Variants in TSNARE1 observed in about 807,000 individuals in gnomAD.
TSNARE1 encodes t-SNARE domain containing 1, also known as t-SNARE domain-containing protein 1.
In TSNARE1, 49 loss-of-function variants were observed where a neutral mutation model predicts 62.0. The ratio of observed to expected loss-of-function variants is 0.79; its 90% CI spans 0.63 to 1.00. The LOEUF is 1.00. Among genes scored for constraint, TSNARE1 ranks in the 50% least tolerant of loss-of-function variants. The pLI, the probability that TSNARE1 is intolerant of heterozygous loss-of-function variation, is 0.00. For missense variants in TSNARE1, 755 were observed against 700.1 expected (o/e 1.08, Z -0.88); for synonymous variants, 328 against 294.4 (o/e 1.11, Z -1.17).
At chr8:142,233,931 G>T (rs1817256185) in intron 12 of TSNARE1, among the ~76,000 whole-genome samples, 1 of 152,182 alleles carries the variant, frequency 6.6e-6, no homozygotes, top group African/African-American at 2.4e-5. Flanking sequence ...ATCGACCACT[G>T]CACCCTCCCA....
intron 13 of TSNARE1, among the ~76,000 whole-genome samples, 160 bp from the exon 14 acceptor site, chr8:142,212,473 C>T (rs1815590675): frequency 6.6e-6 from 1 of 151,980 alleles, no homozygotes; most frequent in Non-Finnish European, 1.5e-5. Flanking sequence ...CCTGCAGCTG[C>T]AGGGGCCAGA....
chr8:142,334,514 AAAAC>A (rs1463930240), intron 4 of TSNARE1, among the ~76,000 whole-genome samples: 1 of 152,180 alleles, frequency 6.6e-6, no homozygotes, highest in Non-Finnish European at 1.5e-5. Context: ...GACGGGACAC[AAAAC>A]AAACAAAAAG....
At chr8:142,274,392 C>T in intron 12 of TSNARE1, 1 of 985,466 alleles carries the variant, frequency 1.0e-6, no homozygotes, top group Non-Finnish European at 1.2e-6. Flanking sequence ...CACTGACCTG[C>T]CCCAACCACA....
intron 12 of TSNARE1, among the ~76,000 whole-genome samples, chr8:142,265,985 G>C (rs1337124047): frequency 2.0e-5 from 3 of 152,188 alleles, no homozygotes; most frequent in Non-Finnish European, 4.4e-5. Flanking sequence ...CATGTGATTT[G>C]CAAATATATT....
intron 5 of TSNARE1, 97 bp downstream of exon 5, chr8:142,331,657 G>A (rs1563929415): frequency 1.6e-6 from 2 of 1,217,296 alleles, no homozygotes; most frequent in East Asian, 2.6e-5. Context: ...AGGATGGCCT[G>A]AGGGGGGAAG....
intron 1 of TSNARE1, among the ~76,000 whole-genome samples, chr8:142,386,839 AACAG>A (rs567294390): frequency 6.6e-6 from 1 of 152,222 alleles, no homozygotes; most frequent in Non-Finnish European, 1.5e-5. Context: ...CACAAGGAGA[AACAG>A]ACAGAAACAT....
chr8:142,255,890 C>CCATCATCACCAT (rs1220549604), intron 12 of TSNARE1, among the ~76,000 whole-genome samples: 1 of 37,070 alleles, frequency 2.7e-5, no homozygotes. Context: ...ATCACCACCA[C>CCATCATCACCAT]CACCACCACT....
At chr8:142,217,623 A>AAC (rs61176502) in intron 13 of TSNARE1, among the ~76,000 whole-genome samples, 65,139 of 152,042 alleles carry the variant, frequency 0.43, 14,316 homozygotes, top group African/African-American at 0.53. Context: ...GCTCCAGGGA[A>AAC]ACAGTGTGCA....
intron 9 of TSNARE1, among the ~76,000 whole-genome samples, chr8:142,307,881 G>A (rs1586705753): frequency 6.6e-6 from 1 of 152,200 alleles, no homozygotes; most frequent in East Asian, 1.9e-4. Context: ...CCCACGCCCG[G>A]CTTTTGCAGA....
At chr8:142,347,452 G>A (rs762005393) in intron 2 of TSNARE1, among the ~76,000 whole-genome samples, 5 of 152,144 alleles carry the variant, frequency 3.3e-5, no homozygotes, top group African/African-American at 4.8e-5. Flanking sequence ...TCCAGCTCCC[G>A]GCAGGCCCTT....
intron 1 of TSNARE1, among the ~76,000 whole-genome samples, chr8:142,390,448 G>A (rs1276492157): frequency 3.1e-5 from 2 of 64,166 alleles, no homozygotes; most frequent in Non-Finnish European, 5.7e-5. Flanking sequence ...TGTACACTGC[G>A]GGGGACTCCG....
intron 13 of TSNARE1, among the ~76,000 whole-genome samples, chr8:142,228,628 T>C (rs1816946645): frequency 6.6e-6 from 1 of 152,222 alleles, no homozygotes; most frequent in South Asian, 2.1e-4. Context: ...AAAGAGAGGC[T>C]TCAGGGTGGC....
chr8:142,290,514 G>A (rs1292368068), intron 10 of TSNARE1, among the ~76,000 whole-genome samples: 1 of 152,228 alleles, frequency 6.6e-6, no homozygotes, highest in East Asian at 1.9e-4. Flanking sequence ...GTGTGCCTGT[G>A]TGTTCCCTTC....
chr8:142,286,498 C>T (rs1266017588), intron 10 of TSNARE1, among the ~76,000 whole-genome samples: 1 of 152,196 alleles, frequency 6.6e-6, no homozygotes, highest in East Asian at 1.9e-4. Flanking sequence ...TGGGCAGTGG[C>T]TGGGAAGGTA....
At chr8:142,250,936 G>A (rs1457533655) in intron 12 of TSNARE1, among the ~76,000 whole-genome samples, 1 of 152,174 alleles carries the variant, frequency 6.6e-6, no homozygotes. Flanking sequence ...CAGGCCCGAG[G>A]CCTGACCCAG....
intron 11 of TSNARE1, chr8:142,276,745 G>T: frequency 3.0e-6 from 3 of 985,392 alleles, no homozygotes; most frequent in Non-Finnish European, 3.6e-6. Flanking sequence ...GTGTGACCTG[G>T]AGGCCCACCC....
intron 9 of TSNARE1, among the ~76,000 whole-genome samples, chr8:142,307,131 C>T (rs752785711): frequency 3.7e-4 from 56 of 152,218 alleles, no homozygotes; most frequent in Non-Finnish European, 8.8e-5. Context: ...GGCCACTGAT[C>T]ATACAGTAGC....
intron 2 of TSNARE1, among the ~76,000 whole-genome samples, chr8:142,346,958 C>G (rs1000488572): frequency 1.3e-5 from 2 of 152,188 alleles, no homozygotes; most frequent in African/African-American, 4.8e-5. Context: ...GGCGAGGGCC[C>G]AAAGGCTACC....
intron 1 of TSNARE1, among the ~76,000 whole-genome samples, chr8:142,394,795 G>A (rs28611082): frequency 0.2 from 30,748 of 152,132 alleles, 3,229 homozygotes; most frequent in East Asian, 0.28. Flanking sequence ...CACTCCCCAC[G>A]CCCCAGCTGC....
Sources: allele counts gnomAD v4.1 joint callset (sites outside exome capture counted in the v4.1 genomes callset), GRCh38; gene constraint gnomAD v4.1.1; transcripts MANE v1.5; gene names NCBI Gene and HGNC (gene_info 2026-07-23, HGNC 2026-07-21).